Variants in AP3B1 observed in about 807,000 individuals in gnomAD.
The protein encoded by AP3B1 is adaptor related protein complex 3 subunit beta 1, also known as AP-3 complex subunit beta-1.
A neutral mutation model predicts 132.5 loss-of-function variants in AP3B1; 61 were observed. The ratio of observed to expected loss-of-function variants is 0.46; its 90% CI spans 0.37 to 0.57. AP3B1 has a LOEUF of 0.57. Among genes scored for constraint, AP3B1 ranks in the 20% least tolerant of loss-of-function variants. The pLI is 0.00. For missense variants in AP3B1, 1,120 were observed against 1,289.4 expected (o/e 0.87, Z 2.01); for synonymous variants, 388 against 438.3 (o/e 0.89, Z 1.43).
intron 22 of AP3B1, among the ~76,000 whole-genome samples, chr5:78,044,436 C>T (rs995362702): frequency 1.3e-5 from 2 of 152,060 alleles, no homozygotes; most frequent in Admixed American, 6.6e-5. Flanking sequence ...TACATTGTTC[C>T]ACAAACATAT....
chr5:78,215,924 C>T lies in AP3B1; in HGVS notation c.786+131G>A. ...TTGGTTGCCTGCTTTAGTAAAAGAA[C>T]AAGAGACAAATGAGTCTTCCTTAAA... On this transcript the variant is annotated intron_variant, in intron 7 of 26. Coordinates refer to ENST00000255194, the MANE Select transcript of AP3B1 (RefSeq NM_003664.5). 8.6e-6 allele frequency: 7 copies of T among 817,024 alleles called. No individual in the cohort carries two copies. In the South Asian group the frequency reaches 1.1e-4, roughly 13 times the overall value. The allele number at this position is 817,024 out of a possible 1,614,324, so 50.6% of individuals were successfully genotyped here.
chr5:78,013,862 A>G, intron 26 of AP3B1, among the ~76,000 whole-genome samples: 1 of 152,136 alleles, frequency 6.6e-6, no homozygotes, highest in East Asian at 1.9e-4. Context: ...AGAGCTTGTC[A>G]AAAACTAAGA....
Position 78,147,235 on chromosome 5 carries a change from C to T in AP3B1, c.1474-5916G>A, listed in dbSNP as rs183658794. ...CTTATTACTTTCTTTACAAATTACCCTTTTTTCATTTTATAATGTTCCTTT... is the reference window on the plus strand; with the variant it reads ...CTTATTACTTTCTTTACAAATTACCTTTTTTTCATTTTATAATGTTCCTTT... On this transcript the variant is annotated intron_variant, in intron 14 of 26. Coordinates refer to ENST00000255194, the MANE Select transcript of AP3B1 (RefSeq NM_003664.5). 3.3e-5 allele frequency among the ~76,000 whole-genome samples: 5 copies of T among 151,984 alleles called. No individual in the cohort carries two copies. In the East Asian group the frequency reaches 9.7e-4, roughly 29 times the overall value.
At chr5:78,038,412 C>G (rs1747896624) in intron 23 of AP3B1, among the ~76,000 whole-genome samples, 1 of 152,034 alleles carries the variant, frequency 6.6e-6, no homozygotes, top group South Asian at 2.1e-4. Flanking sequence ...TTGTCTTGGG[C>G]CACACATAAA....
At chr5:78,023,046 G>A (rs1038000738) in intron 24 of AP3B1, among the ~76,000 whole-genome samples, 2 of 152,120 alleles carry the variant, frequency 1.3e-5, no homozygotes, top group African/African-American at 4.8e-5. Context: ...GGTAGCACTG[G>A]GCAAGGGGAA....
intron 17 of AP3B1, among the ~76,000 whole-genome samples, chr5:78,120,516 A>C (rs1752124654): frequency 6.6e-6 from 1 of 152,230 alleles, no homozygotes; most frequent in African/African-American, 2.4e-5. Flanking sequence ...AGCAAATGGA[A>C]AACAAAAAAA....
intron 22 of AP3B1, among the ~76,000 whole-genome samples, chr5:78,072,920 C>T (rs552437608): frequency 9.9e-4 from 150 of 151,900 alleles, no homozygotes; most frequent in African/African-American, 3.3e-3. Context: ...CAGGGTTTCA[C>T]CATGTTGTTC....
chr5:78,165,594 A>C lies in AP3B1; in HGVS notation c.1230+16T>G. 2 of 1,577,732 alleles carry C rather than the reference A, an allele frequency of 1.3e-6. No homozygotes were observed. Among genetic ancestry groups the C allele is most frequent in the Non-Finnish European group, 1.7e-6 (2 of 1,148,428 alleles). ...TATGTTTTAGAAGTTTTTTATAATT[A>C]GCACTGTACACAAACCTGAAATTCT... On this transcript the variant is annotated intron_variant, in intron 12 of 26. Coordinates refer to ENST00000255194, the MANE Select transcript of AP3B1 (RefSeq NM_003664.5).
chr5:78,158,044 C>A (rs780603096), intron 13 of AP3B1, among the ~76,000 whole-genome samples: 1 of 152,190 alleles, frequency 6.6e-6, no homozygotes, highest in Admixed American at 6.5e-5. Flanking sequence ...CCACCATGCC[C>A]GGCCTACTCT....
At chr5:78,268,451 A>C (rs1386319085) in intron 1 of AP3B1, among the ~76,000 whole-genome samples, 2 of 152,222 alleles carry the variant, frequency 1.3e-5, no homozygotes, top group Non-Finnish European at 2.9e-5. Flanking sequence ...AAATGTGGTC[A>C]CACATACACA....
rs536306260 is a variant in AP3B1 at position 78,156,364 on chromosome 5, A to G, written c.1367T>C (p.Ile456Thr). 441 of 1,600,028 alleles carry G rather than the reference A, an allele frequency of 2.8e-4. 11 individuals carry two copies. The South Asian group carries it at 4.3e-3, about 16-fold the overall frequency. ...AACAACCACACTTTCAGCAACAACT[A>G]TTTCTGAAAAAGATAGAAATTATTC... Reference protein sequence around the residue: ...LVCLLSNRDEIVVAESVVVIK... With the variant: ...LVCLLSNRDETVVAESVVVIK... Residue 456 changes from isoleucine to threonine, a missense_variant, in exon 14 of 27, where the codon ATA becomes ACA. Around this residue, in one of 3 missense-constraint regions of AP3B1, gnomAD observed 906 missense variants for 997.1 expected, o/e 0.91. Coordinates refer to ENST00000255194, the MANE Select transcript of AP3B1 (RefSeq NM_003664.5).
At position 78,002,365 on chromosome 5, in the gene AP3B1, GAT is replaced by G. The variant is rs1746223226; in HGVS notation, c.*535_*536del. ...TAGTTTATTTATCTTATTATTGAGA[GAT>G]AATTTCATGATGACAGTTATCAATA... On this transcript the variant is annotated 3_prime_UTR_variant, in exon 27 of 27. Coordinates refer to ENST00000255194, the MANE Select transcript of AP3B1 (RefSeq NM_003664.5). 2 of 380,508 alleles carry G rather than the reference GAT, an allele frequency of 5.3e-6. No individual in the cohort carries two copies. Among genetic ancestry groups the G allele is most frequent in the African/African-American group, 4.1e-5 (2 of 48,232 alleles). The allele number at this position is 380,508 out of a possible 1,614,324, so 23.6% of individuals were successfully genotyped here.
intron 5 of AP3B1, among the ~76,000 whole-genome samples, chr5:78,226,312 T>C (rs905066427): frequency 1.0e-3 from 153 of 152,228 alleles, no homozygotes; most frequent in African/African-American, 3.6e-3. Context: ...CATAGGAATA[T>C]GAGGTTTCAC....
intron 13 of AP3B1, among the ~76,000 whole-genome samples, chr5:78,157,490 T>C (rs1187336403): frequency 2.0e-5 from 3 of 152,196 alleles, no homozygotes; most frequent in African/African-American, 7.2e-5. Flanking sequence ...CATACTAAAC[T>C]GGCCAATCAC....
At chr5:78,214,011 C>T (rs548268559) in intron 7 of AP3B1, among the ~76,000 whole-genome samples, 68 of 152,324 alleles carry the variant, frequency 4.5e-4, no homozygotes, top group Non-Finnish European at 8.8e-4. Flanking sequence ...CCCTGCCCTG[C>T]TTGGCTCGTT....
chr5:78,185,803 G>C (rs1744581288), intron 7 of AP3B1, among the ~76,000 whole-genome samples: 1 of 152,106 alleles, frequency 6.6e-6, no homozygotes, highest in African/African-American at 2.4e-5. Context: ...CCAATACTTT[G>C]AGGCTTCAAT....
chr5:78,114,520 AC>A (rs953333254), intron 18 of AP3B1, among the ~76,000 whole-genome samples: 5 of 152,188 alleles, frequency 3.3e-5, no homozygotes, highest in Admixed American at 3.3e-4. Context: ...GAGGAATTAT[AC>A]TTTTAAATGT....
chr5:78,029,919 A>G (rs149287034), intron 24 of AP3B1, among the ~76,000 whole-genome samples: 218 of 152,114 alleles, frequency 1.4e-3, no homozygotes, highest in East Asian at 7.1e-3. Context: ...ATTTAAACTA[A>G]TTTTTGCCAT....
At chr5:78,235,568 A>T (rs541826112) in intron 3 of AP3B1, among the ~76,000 whole-genome samples, 2 of 152,370 alleles carry the variant, frequency 1.3e-5, no homozygotes, top group Admixed American at 1.3e-4. Context: ...AGGCCTATGC[A>T]CTGACAGGCT....
Sources: allele counts gnomAD v4.1 joint callset (sites outside exome capture counted in the v4.1 genomes callset), GRCh38; gene constraint gnomAD v4.1.1; regional missense constraint gnomAD v4.1.1; transcripts MANE v1.5; gene names NCBI Gene and HGNC (gene_info 2026-07-23, HGNC 2026-07-21).